The following FAM153A variants were observed in gnomAD, a reference collection of about 807,000 sequenced individuals.
FAM153A encodes protein FAM153A.
Under a neutral mutation model 48.1 loss-of-function variants are expected in FAM153A, and 12 were observed. The ratio of observed to expected loss-of-function variants is 0.25; its 90% CI spans 0.16 to 0.40. The LOEUF (loss-of-function observed/expected upper bound fraction) is 0.40, where lower values mean the gene tolerates loss of function less well. Among genes scored for constraint, FAM153A ranks in the 10% least tolerant of loss-of-function variants. FAM153A has a pLI of 1.00. For missense variants in FAM153A, 111 were observed against 345.8 expected (o/e 0.32, Z 5.38); for synonymous variants, 36 against 118.2 (o/e 0.30, Z 4.51).
chr5:177,709,678 T>TG (rs1306511750), downstream of FAM153A, among the ~76,000 whole-genome samples: 11 of 142,410 alleles, frequency 7.7e-5, no homozygotes, highest in South Asian at 1.4e-3. Flanking sequence ...TTTTTTGTTT[T>TG]TTTTTTTTTT....
At chr5:177,705,833 T>A (rs1757836178), downstream of FAM153A, among the ~76,000 whole-genome samples, 1 of 151,222 alleles carries the variant, frequency 6.6e-6, no homozygotes, top group African/African-American at 2.4e-5. Flanking sequence ...CTAATTTTTG[T>A]ATTTTTAGTG....
chr5:177,700,564 A>G, the FAM153A span, among the ~76,000 whole-genome samples: 5 of 151,854 alleles, frequency 3.3e-5, no homozygotes, highest in African/African-American at 1.2e-4. Context: ...GCACTTTGGG[A>G]TGCTGAGGTA....
At chr5:177,743,206 G>GTT (rs1453924824) in intron 6 of FAM153A, among the ~76,000 whole-genome samples, 9 of 65,628 alleles carry the variant, frequency 1.4e-4, no homozygotes, top group African/African-American at 5.5e-4. Context: ...TTTTTGTTTT[G>GTT]TTTTTTTTTT....
rs574040549 is a variant in FAM153A at position 177,728,309 on chromosome 5, A to G, written c.964+714T>C. 6.3e-3 allele frequency among the ~76,000 whole-genome samples: 922 copies of G among 146,848 alleles called. 59 individuals carry two copies. The highest frequency in any genetic ancestry group is 0.023 in the African/African-American group (890 of 38,312). On this transcript the variant is annotated intron_variant, in intron 18 of 20. Transcript: ENST00000614127. ...TGGTGGACGATGAATGGGTTGATTT[A>G]TGCAAACTGTGCAGTGGTGATGGAA...
chr5:177,781,932 T>C (rs1175965807), upstream of FAM153A, among the ~76,000 whole-genome samples: 2 of 88,084 alleles, frequency 2.3e-5, no homozygotes, highest in African/African-American at 8.4e-5. Flanking sequence ...GGTTTCACCG[T>C]GTTAGCCAGG....
chr5:177,728,790 C>T (rs1214446504), intron 18 of FAM153A, among the ~76,000 whole-genome samples: 3 of 150,088 alleles, frequency 2.0e-5, no homozygotes, highest in Non-Finnish European at 4.4e-5. Flanking sequence ...TGGTCTCAAA[C>T]TCCTGACCTC....
At chr5:177,719,017 A>G (rs896006621), downstream of FAM153A, among the ~76,000 whole-genome samples, 1 of 151,434 alleles carries the variant, frequency 6.6e-6, no homozygotes, top group Non-Finnish European at 1.5e-5. Flanking sequence ...AGTAACTGGG[A>G]CTACACGCGT....
At chr5:177,703,429 T>C (rs1757624264), downstream of FAM153A, among the ~76,000 whole-genome samples, 1 of 151,338 alleles carries the variant, frequency 6.6e-6, no homozygotes, top group African/African-American at 2.4e-5. Context: ...TTTTTGATTT[T>C]ACAGACCTAT....
intron 25 of FAM153A, chr5:177,716,283 A>G (rs893181739): frequency 1.3e-5 from 2 of 151,916 alleles, no homozygotes; most frequent in African/African-American, 4.9e-5. Flanking sequence ...TGCATGGCCC[A>G]GATTAAATAC....
At chr5:177,749,244 T>C (rs1766502315) in intron 2 of FAM153A, among the ~76,000 whole-genome samples, 1 of 151,654 alleles carries the variant, frequency 6.6e-6, no homozygotes, top group South Asian at 2.1e-4. Context: ...GATGTCTTAC[T>C]TCCCACCTTA....
intron 1 of FAM153A, among the ~76,000 whole-genome samples, chr5:177,776,606 A>G (rs1437548151): frequency 7.6e-5 from 6 of 79,354 alleles, no homozygotes; most frequent in South Asian, 5.3e-4. Context: ...AAGGAAATAA[A>G]AGAGGACACA....
At chr5:177,699,287 AAAG>A in the FAM153A span, among the ~76,000 whole-genome samples, 11 of 151,516 alleles carry the variant, frequency 7.3e-5, no homozygotes, top group South Asian at 2.1e-4. Context: ...AGAAACTGGA[AAAG>A]AAGATCAAAC....
downstream of FAM153A, among the ~76,000 whole-genome samples, chr5:177,718,906 G>T (rs1189739074): frequency 6.7e-6 from 1 of 149,848 alleles, no homozygotes; most frequent in African/African-American, 2.5e-5. Flanking sequence ...TTTTGAGATA[G>T]AGTCTTGTTC....
chr5:177,703,357 T>A, downstream of FAM153A, among the ~76,000 whole-genome samples: 1 of 151,888 alleles, frequency 6.6e-6, no homozygotes, highest in Non-Finnish European at 1.5e-5. Context: ...TTTCTCCCTT[T>A]TGGAATGGGA....
intron 25 of FAM153A, among the ~76,000 whole-genome samples, chr5:177,715,672 T>C (rs1325872599): frequency 6.6e-6 from 1 of 151,774 alleles, no homozygotes; most frequent in Non-Finnish European, 1.5e-5. Flanking sequence ...CTCCTATAAA[T>C]GTGGTCATCT....
chr5:177,758,450 T>C (rs2127708468), intron 1 of FAM153A, among the ~76,000 whole-genome samples: 1 of 146,810 alleles, frequency 6.8e-6, no homozygotes, highest in African/African-American at 2.5e-5. Context: ...ACCAATGACT[T>C]TCTTCACTGA....
At chr5:177,733,463 C>T (rs1325174409) in intron 14 of FAM153A, among the ~76,000 whole-genome samples, 5 of 136,890 alleles carry the variant, frequency 3.7e-5, no homozygotes, top group Non-Finnish European at 7.8e-5. Flanking sequence ...AAGGCTGAAA[C>T]TCTACATGAC....
chr5:177,750,251 TTAG>T (rs1766665891), intron 2 of FAM153A: 1 of 153,326 alleles, frequency 6.5e-6, no homozygotes, highest in Admixed American at 6.4e-5. Context: ...AGGAGAGGAA[TTAG>T]TAGATGCAGC....
chr5:177,696,911 G>A, the FAM153A span, among the ~76,000 whole-genome samples: 1 of 151,502 alleles, frequency 6.6e-6, no homozygotes, highest in Non-Finnish European at 1.5e-5. Context: ...TTTCAAAATT[G>A]TTTTGGCTAT....
Sources: allele counts gnomAD v4.1 joint callset (sites outside exome capture counted in the v4.1 genomes callset), GRCh38; gene constraint gnomAD v4.1.1; transcripts MANE v1.5; gene names NCBI Gene and HGNC (gene_info 2026-07-23, HGNC 2026-07-21).